The following CTDSPL2 variants were observed in gnomAD, a reference collection of about 807,000 sequenced individuals.
The protein encoded by CTDSPL2 is CTD small phosphatase like 2.
Under a neutral mutation model 60.0 loss-of-function variants are expected in CTDSPL2, and 5 were observed. The ratio of observed to expected loss-of-function variants is 0.08; its 90% CI spans 0.04 to 0.18. The LOEUF (loss-of-function observed/expected upper bound fraction) is 0.18. Among genes scored for constraint, CTDSPL2 ranks in the 10% least tolerant of loss-of-function variants. The pLI, the probability that CTDSPL2 is intolerant of heterozygous loss-of-function variation, is 1.00. For missense variants in CTDSPL2, 370 were observed against 548.8 expected (o/e 0.67, Z 3.26); for synonymous variants, 186 against 189.3 (o/e 0.98, Z 0.14).
At position 44,472,612 on chromosome 15, in the gene CTDSPL2, C is replaced by T. The variant is rs150366135; in HGVS notation, c.187-11612C>T. On this transcript the variant is annotated intron_variant, in intron 2 of 12. Coordinates refer to ENST00000260327, the MANE Select transcript of CTDSPL2 (RefSeq NM_016396.3). ...TTCCTGGGCTCAAGTGATCCTTCAC[C>T]TCAGCCTCCTGAGGAGCTGAGACTA... Among the ~76,000 whole-genome samples the T allele has an allele frequency of 2.0e-4, 31 of 151,952 alleles. No individual in the cohort carries two copies. The East Asian group carries it at 5.6e-3, about 27-fold the overall frequency.
In CTDSPL2 at chr15:44,459,158, G is replaced by C; in HGVS notation, c.144G>C (p.Leu48Phe). Residue 48 changes from leucine to phenylalanine, a missense_variant, in exon 2 of 13, where the codon TTG (leucine) becomes TTC (phenylalanine). Physicochemically the swap from Leu to Phe is conservative, Grantham distance 22. This residue lies in a region of CTDSPL2 where 287 missense variants were observed against 296.1 expected (regional missense o/e 0.97). Transcript: ENST00000260327. ...AACCATCGAAGAATGAAACCGGCTT[G>C]TTGTCTTCAATTAAAAAATTTATTA... Reference protein sequence around the residue: ...GEKPSKNETGLLSSIKKFIKG... With the variant: ...GEKPSKNETGFLSSIKKFIKG... 1 of 1,610,494 alleles carries C rather than the reference G, an allele frequency of 6.2e-7. No homozygotes were observed. The highest frequency in any genetic ancestry group is 1.7e-4 in the Middle Eastern group (1 of 6,042).
intron 8 of CTDSPL2, 106 bp from the exon 9 acceptor site, chr15:44,514,492 C>A (rs1384263636): frequency 4.1e-6 from 3 of 724,158 alleles, no homozygotes; most frequent in Admixed American, 2.2e-5. Context: ...TACTTTAAAA[C>A]ATGAACTTTT....
At chr15:44,434,094 A>AT (rs966479118) in intron 1 of CTDSPL2, among the ~76,000 whole-genome samples, 7 of 151,462 alleles carry the variant, frequency 4.6e-5, no homozygotes, top group Non-Finnish European at 1.0e-4. Context: ...TTATTTATTT[A>AT]TTTTTTTCTT....
At chr15:44,521,989 T>G (rs1374773654) in intron 12 of CTDSPL2, among the ~76,000 whole-genome samples, 2 of 136,630 alleles carry the variant, frequency 1.5e-5, no homozygotes, top group Non-Finnish European at 3.1e-5. Flanking sequence ...GATGATAAAG[T>G]CATCTGTCAT....
rs369528400 is a variant in CTDSPL2, at chr15:44,496,978, T to A, written c.771-49T>A. 4.3e-4 allele frequency: 455 copies of A among 1,068,032 alleles called. 6 individuals are homozygous for A. Among genetic ancestry groups the A allele is most frequent in the South Asian group, 4.0e-3 (295 of 74,100 alleles). The allele number at this position is 1,068,032 out of a possible 1,614,324, so 66.2% of individuals were successfully genotyped here. Reference sequence around the variant, plus strand: ...ATGGGCTGAGCTTAGTAATGTTCTATATGTATAAAAAGTAAAATGTTGAAA... The same window carrying A: ...ATGGGCTGAGCTTAGTAATGTTCTAAATGTATAAAAAGTAAAATGTTGAAA... On this transcript the variant is annotated intron_variant, in intron 6 of 12. Coordinates refer to ENST00000260327, the MANE Select transcript of CTDSPL2 (RefSeq NM_016396.3).
chr15:44,469,256 T>G (rs1302328902), intron 2 of CTDSPL2, among the ~76,000 whole-genome samples: 1 of 152,358 alleles, frequency 6.6e-6, no homozygotes, highest in African/African-American at 2.4e-5. Flanking sequence ...TTGAATTTCA[T>G]ATAGTTTTCA....
At chr15:44,492,015 C>T (rs2081223177) in intron 5 of CTDSPL2, among the ~76,000 whole-genome samples, 1 of 152,030 alleles carries the variant, frequency 6.6e-6, no homozygotes. Flanking sequence ...AGGCATGTGA[C>T]ACCACTCCCA....
intron 2 of CTDSPL2, among the ~76,000 whole-genome samples, chr15:44,469,321 G>C (rs1038422404): frequency 2.0e-5 from 3 of 152,062 alleles, no homozygotes; most frequent in African/African-American, 7.2e-5. Context: ...CCATTTATAA[G>C]TACAAAAAAT....
chr15:44,461,765 TAAGG>T (rs1006811097), intron 2 of CTDSPL2, among the ~76,000 whole-genome samples: 11 of 152,122 alleles, frequency 7.2e-5, no homozygotes, highest in African/African-American at 2.4e-4. Context: ...AAGAAAATCA[TAAGG>T]AAGAGAAAAT....
chr15:44,495,624 C>T (rs3986142), intron 5 of CTDSPL2, among the ~76,000 whole-genome samples: 15,086 of 151,466 alleles, frequency 0.1, 1,547 homozygotes, highest in African/African-American at 0.24. Flanking sequence ...CTTCAAAGGG[C>T]TCATGAACTT....
rs2081864570 is a variant in CTDSPL2, at chr15:44,525,954, A to G, written c.*1780A>G. On this transcript the variant is annotated 3_prime_UTR_variant, in exon 13 of 13. Coordinates refer to ENST00000260327, the MANE Select transcript of CTDSPL2 (RefSeq NM_016396.3). The stretch of plus-strand genomic sequence containing the variant: ...TGGAAAATCCTTATTCATTAAAAAA[A>G]TAATCATGGCAGATTTTCTGCAAAA... 1 of 152,802 alleles carries G rather than the reference A, an allele frequency of 6.5e-6. No individual in the cohort carries two copies. Among genetic ancestry groups the G allele is most frequent in the South Asian group, 2.1e-4 (1 of 4,842 alleles). The allele number at this position is 152,802 out of a possible 1,614,324, so 9.5% of individuals were successfully genotyped here. A position where few individuals can be genotyped will look rare whatever the true frequency, so the allele number is the denominator to read the frequency against.
At chr15:44,518,793 C>T (rs1399635122) in intron 10 of CTDSPL2, 1 of 152,888 alleles carries the variant, frequency 6.5e-6, no homozygotes, top group Non-Finnish European at 1.5e-5. Flanking sequence ...CTCAGTCAAC[C>T]ATCTGGAAAA....
At position 44,526,416 on chromosome 15, in the gene CTDSPL2, T is replaced by C. The variant is rs1423414785; in HGVS notation, c.*2242T>C. The C allele has an allele frequency of 6.6e-6, 1 of 152,170 alleles. No homozygotes were observed. Among genetic ancestry groups the C allele is most frequent in the East Asian group, 1.9e-4 (1 of 5,198 alleles). 9.4% of individuals were successfully genotyped at this position (152,170 alleles called of 1,614,324 possible). ...GCACTTCAATAATAAAAACCAACTTTTTAAACTAATCATCTTTTATCAATG... is the reference window on the plus strand; with the variant it reads ...GCACTTCAATAATAAAAACCAACTTCTTAAACTAATCATCTTTTATCAATG... On this transcript the variant is annotated 3_prime_UTR_variant, in exon 13 of 13. Transcript: ENST00000260327.
At chr15:44,432,532 G>A (rs143580556) in intron 1 of CTDSPL2, among the ~76,000 whole-genome samples, 4,433 of 152,064 alleles carry the variant, frequency 0.029, 230 homozygotes, top group African/African-American at 0.1. Context: ...ATGTTGGCCA[G>A]GCTGTTCTCG....
At chr15:44,435,121 G>A (rs1163674047) in intron 1 of CTDSPL2, among the ~76,000 whole-genome samples, 3 of 151,830 alleles carry the variant, frequency 2.0e-5, no homozygotes, top group African/African-American at 7.3e-5. Context: ...TTAGCTGGGC[G>A]CGGTGGTGTG....
intron 1 of CTDSPL2, chr15:44,448,027 G>C (rs973644084): frequency 4.3e-6 from 1 of 231,990 alleles, no homozygotes; most frequent in African/African-American, 2.3e-5. Flanking sequence ...AGTTCCATCC[G>C]GATGTTCCAG....
chr15:44,506,273 G>T (rs1049840062), intron 8 of CTDSPL2, among the ~76,000 whole-genome samples: 10 of 151,612 alleles, frequency 6.6e-5, no homozygotes, highest in African/African-American at 2.4e-4. Context: ...CAAGTGATCT[G>T]CCCACCTCGG....
chr15:44,486,815 G>A, intron 4 of CTDSPL2, 115 bp downstream of exon 4: 1 of 709,144 alleles, frequency 1.4e-6, no homozygotes, highest in East Asian at 3.0e-5. Flanking sequence ...AGGCTGGAGT[G>A]CAGTGACGCG....
intron 1 of CTDSPL2, among the ~76,000 whole-genome samples, chr15:44,431,068 C>T (rs2079846542): frequency 6.6e-6 from 1 of 151,684 alleles, no homozygotes; most frequent in African/African-American, 2.4e-5. Flanking sequence ...TTGATCCACC[C>T]ACCTCGGCCT....
Sources: allele counts gnomAD v4.1 joint callset (sites outside exome capture counted in the v4.1 genomes callset), GRCh38; gene constraint gnomAD v4.1.1; regional missense constraint gnomAD v4.1.1; transcripts MANE v1.5; gene names NCBI Gene and HGNC (gene_info 2026-07-23, HGNC 2026-07-21).